ZNF71: variants seen among roughly 807,000 people sequenced by gnomAD.
The protein encoded by ZNF71 is zinc finger protein 71, also known as endothelial zinc finger protein induced by tumor necrosis factor alpha.
A neutral mutation model predicts 6.7 loss-of-function variants in ZNF71; 3 were observed. The ratio of observed to expected loss-of-function variants is 0.45; its 90% CI spans 0.20 to 1.16. ZNF71 has a LOEUF of 1.16. Among genes scored for constraint, ZNF71 ranks in the 50% most tolerant of loss-of-function variants. ZNF71 has a pLI of 0.25. For synonymous variants in ZNF71, 343 were observed against 311.1 expected (o/e 1.10, Z -1.08); for missense variants, 688 against 728.6 (o/e 0.94, Z 0.64).
chr19:56,622,759 C>A lies in ZNF71; in HGVS notation c.*2C>A, dbSNP rs141286207. 1.6e-5 allele frequency: 25 copies of A among 1,591,166 alleles called. No individual in the cohort carries two copies. Among genetic ancestry groups the A allele is most frequent in the Non-Finnish European group, 2.1e-5 (24 of 1,167,396 alleles). On this transcript the variant is annotated 3_prime_UTR_variant, in exon 4 of 4. Coordinates refer to ENST00000599599, the MANE Select transcript of ZNF71 (RefSeq NM_001370215.1). Reference sequence around the variant, plus strand: ...CGCCACCTGCGGATTCACACCTGAGCGCCTCTGTGCAGGGCTCTCACTGGC... The same window carrying A: ...CGCCACCTGCGGATTCACACCTGAGAGCCTCTGTGCAGGGCTCTCACTGGC...
In ZNF71 at chr19:56,622,845, C is replaced by T. The variant is rs751643174; in HGVS notation, c.*88C>T. ...TGTCAGCAGTGCTGTGAGAAGTTCT[C>T]CCCTGGGGTGGGGACTCGGGGTCAG... is the stretch of plus-strand genomic sequence containing the variant. On this transcript the variant is annotated 3_prime_UTR_variant, in exon 4 of 4. Coordinates refer to ENST00000599599, the MANE Select transcript of ZNF71 (RefSeq NM_001370215.1). The T allele has an allele frequency of 7.3e-6, 11 of 1,498,198 alleles. No individual in the cohort carries two copies. Among genetic ancestry groups the T allele is most frequent in the South Asian group, 1.3e-5 (1 of 74,302 alleles). The allele number at this position is 1,498,198 out of a possible 1,614,324, so 92.8% of individuals were successfully genotyped here.
rs941671767 is a variant in ZNF71, at chr19:56,607,173, A to AT, written c.33+5584dup. Among the ~76,000 whole-genome samples, 13 of 152,318 alleles carry AT rather than the reference A, an allele frequency of 8.5e-5. No homozygotes were observed. In the East Asian group the frequency reaches 2.5e-3, roughly 29 times the overall value. On this transcript the variant is annotated intron_variant, in intron 2 of 3. Coordinates refer to ENST00000599599, the MANE Select transcript of ZNF71 (RefSeq NM_001370215.1). The stretch of plus-strand genomic sequence containing the variant: ...TGGTATCTAATACGTATTCTGATAT[A>AT]TTCTAAATATGTTCATTGATGGTTC...
In ZNF71 at chr19:56,622,514, C is replaced by G; in HGVS notation, c.1407C>G (p.Pro469=). The G allele has an allele frequency of 1.2e-6, 2 of 1,608,730 alleles. No individual in the cohort carries two copies. The highest frequency in any genetic ancestry group is 1.7e-6 in the Non-Finnish European group (2 of 1,176,660). Residue 469 remains proline (P), a synonymous_variant, in exon 4 of 4, where the codon CCC becomes CCG. Transcript: ENST00000599599. ...AGATCGTGCACACCGGGGAGAAGCC[C>G]TACGTGTGCGGCGAGTGCGGCAAGG... ...VHQIVHTGEK[P]YVCGECGKAF...
chr19:56,616,699 C>T (rs1384566156), intron 3 of ZNF71, among the ~76,000 whole-genome samples: 3 of 152,202 alleles, frequency 2.0e-5, no homozygotes, highest in Non-Finnish European at 4.4e-5. Flanking sequence ...GAACACTGTG[C>T]AGCTCATTCC....
In ZNF71 at chr19:56,613,706, C is replaced by G. The variant is rs1303535085; in HGVS notation, c.34-106C>G. The G allele has an allele frequency of 1.1e-6, 1 of 926,656 alleles. No individual in the cohort carries two copies. Among genetic ancestry groups the G allele is most frequent in the Non-Finnish European group, 1.3e-6 (1 of 758,566 alleles). 57.4% of individuals were successfully genotyped at this position (926,656 alleles called of 1,614,324 possible). ...CTGCATCTTATTGAAATCACTTCAG[C>G]TACATCCCATCTGCCTCCCCTAAAT... On this transcript the variant is annotated intron_variant, in intron 2 of 3. Coordinates refer to ENST00000599599, the MANE Select transcript of ZNF71 (RefSeq NM_001370215.1). The surrounding 1 kb of genome is among the most constrained non-coding windows in gnomAD (Gnocchi z 4.6).
chr19:56,622,093 C>T lies in ZNF71; in HGVS notation c.986C>T (p.Pro329Leu), dbSNP rs776436135. The T allele has an allele frequency of 9.3e-6, 15 of 1,612,842 alleles. No homozygotes were observed. Among genetic ancestry groups the T allele is most frequent in the East Asian group, 2.2e-5 (1 of 44,826 alleles). The change falls in exon 4 of 4, where the codon CCG becomes CTG. Residue 329 changes from proline to leucine, a missense_variant. Physicochemically the swap from Pro to Leu is moderately conservative, Grantham distance 98. Coordinates refer to ENST00000599599, the MANE Select transcript of ZNF71 (RefSeq NM_001370215.1). ...CAGCGCACGCACACCGGGGAGAAGC[C>T]GTACGTGTGCCCCGAGTGCGGGCGA... ...VHQRTHTGEK[P>L]YVCPECGRAF...
intron 2 of ZNF71, among the ~76,000 whole-genome samples, chr19:56,606,116 T>G (rs2044708492): frequency 6.6e-6 from 1 of 152,260 alleles, no homozygotes; most frequent in Non-Finnish European, 1.5e-5. Flanking sequence ...GCATGTAGTA[T>G]GTGCTTAATG....
rs1351733618 is a variant in ZNF71, at chr19:56,622,624, CCTT to C, written c.1519_1521del (p.Phe507del). On this transcript the variant is annotated inframe_deletion, in exon 4 of 4. Coordinates refer to ENST00000599599, the MANE Select transcript of ZNF71 (RefSeq NM_001370215.1). ...TACAGGTGCGGCCAGTGCGGGAAGTCCTTCATCAAGAACTCCTCCCTCACTGTG... is the reference window on the plus strand; with the variant it reads ...TACAGGTGCGGCCAGTGCGGGAAGTCCATCAAGAACTCCTCCCTCACTGTG... 1 of 1,613,870 alleles carries C rather than the reference CCTT, an allele frequency of 6.2e-7. No individual in the cohort carries two copies. Among genetic ancestry groups the C allele is most frequent in the Non-Finnish European group, 8.5e-7 (1 of 1,179,950 alleles).
chr19:56,596,191 C>T (rs1035360437), intron 1 of ZNF71, among the ~76,000 whole-genome samples: 5 of 152,168 alleles, frequency 3.3e-5, no homozygotes, highest in African/African-American at 9.6e-5. Flanking sequence ...TATGTCTGCT[C>T]TTTCCATGCA....
At chr19:56,597,445 C>T (rs2044634304) in intron 1 of ZNF71, among the ~76,000 whole-genome samples, 1 of 152,208 alleles carries the variant, frequency 6.6e-6, no homozygotes, top group South Asian at 2.1e-4. Flanking sequence ...CACTCCATGC[C>T]CTCCAGACAC....
In ZNF71 at chr19:56,623,000, G is replaced by GC; in HGVS notation, c.*245dup. The GC allele has an allele frequency of 1.8e-6, 1 of 569,376 alleles. No homozygotes were observed. Among genetic ancestry groups the GC allele is most frequent in the South Asian group, 2.6e-5 (1 of 38,394 alleles). The allele number at this position is 569,376 out of a possible 1,614,324, so 35.3% of individuals were successfully genotyped here. ...ACACTTCAAGGTTCACTGTAGCTGA[G>GC]CCATGGCCGCTGGTAACAGACATCA... On this transcript the variant is annotated 3_prime_UTR_variant, in exon 4 of 4. Transcript: ENST00000599599.
chr19:56,613,918 A>T lies in ZNF71; in HGVS notation c.140A>T (p.Tyr47Phe), dbSNP rs2044770724. 1 of 1,078,322 alleles carries T rather than the reference A, an allele frequency of 9.3e-7. No homozygotes were observed. The highest frequency in any genetic ancestry group is 3.3e-5 in the South Asian group (1 of 30,150). 66.8% of individuals were successfully genotyped at this position (1,078,322 alleles called of 1,614,324 possible). Reference sequence around the variant, plus strand: ...TACAGGGATGTCATGCTGGAGAACTACAGGAACCTGGTCTCACTGGGTAAG... The same window carrying T: ...TACAGGGATGTCATGCTGGAGAACTTCAGGAACCTGGTCTCACTGGGTAAG... ...DLYRDVMLEN[Y>F]RNLVSLDWET... The change falls in exon 3 of 4, where the codon TAC becomes TTC. Residue 47 changes from tyrosine (Y) to phenylalanine (F), a missense_variant. Coordinates refer to ENST00000599599, the MANE Select transcript of ZNF71 (RefSeq NM_001370215.1). The surrounding 1 kb of genome is among the most constrained non-coding windows in gnomAD (Gnocchi z 4.6).
rs1202562960 is a variant in ZNF71 at position 56,624,470 on chromosome 19, AAT to A, written c.*1716_*1717del. ...TGCATCTGTTGTGGGAATAAATGAG[AAT>A]ATGTATGCACTGCAGAGAATGGAGT... On this transcript the variant is annotated 3_prime_UTR_variant, in exon 4 of 4. Transcript: ENST00000599599. 1 of 152,230 alleles carries A rather than the reference AAT, an allele frequency of 6.6e-6. No individual in the cohort carries two copies. The highest frequency in any genetic ancestry group is 2.4e-5 in the African/African-American group (1 of 41,460). 9.4% of individuals were successfully genotyped at this position (152,230 alleles called of 1,614,324 possible). A position where few individuals can be genotyped will look rare whatever the true frequency, so the allele number is the denominator to read the frequency against.
intron 3 of ZNF71, 140 bp from the exon 4 acceptor site, chr19:56,621,128 A>G (rs940076573): frequency 1.2e-6 from 1 of 819,268 alleles, no homozygotes; most frequent in Non-Finnish European, 1.8e-6. Context: ...TCTCTGATCC[A>G]AGGTTCTTCT....
In ZNF71 at chr19:56,621,811, T is replaced by C. The variant is rs1273815976; in HGVS notation, c.704T>C (p.Ile235Thr). The change falls in exon 4 of 4, where the codon ATC (isoleucine) becomes ACC (threonine). Residue 235 changes from isoleucine to threonine, a missense_variant. Coordinates refer to ENST00000599599, the MANE Select transcript of ZNF71 (RefSeq NM_001370215.1). ...TTCATCGAGCGCTCGTCCCTCACCA[T>C]CCACCAGCGGGTGCACACGGGCGAG... ...KHFIERSSLT[I>T]HQRVHTGEKP... 3 of 1,613,828 alleles carry C rather than the reference T, an allele frequency of 1.9e-6. No homozygotes were observed. The highest frequency in any genetic ancestry group is 2.2e-5 in the East Asian group (1 of 44,888).
intron 1 of ZNF71, among the ~76,000 whole-genome samples, chr19:56,600,185 A>AGTTTTTT (rs2044659061): frequency 4.0e-5 from 1 of 24,912 alleles, no homozygotes; most frequent in African/African-American, 5.0e-4. Flanking sequence ...AACCCTCTGT[A>AGTTTTTT]TTTTTTTTTT....
At chr19:56,599,004 A>G (rs936432601) in intron 1 of ZNF71, among the ~76,000 whole-genome samples, 1 of 152,132 alleles carries the variant, frequency 6.6e-6, no homozygotes, top group South Asian at 2.1e-4. Flanking sequence ...GGGCAGGAAT[A>G]TATATTCTGA....
chr19:56,612,620 C>T (rs2148013414), intron 2 of ZNF71, among the ~76,000 whole-genome samples: 1 of 152,170 alleles, frequency 6.6e-6, no homozygotes, highest in East Asian at 1.9e-4. Flanking sequence ...TTTGGAAACT[C>T]AGAAGCGGGC....
chr19:56,607,720 A>C (rs553217918), intron 2 of ZNF71, among the ~76,000 whole-genome samples: 1 of 151,634 alleles, frequency 6.6e-6, no homozygotes, highest in African/African-American at 2.4e-5. Context: ...AAAAACACTC[A>C]CCCCCCTGTA....
Sources: allele counts gnomAD v4.1 joint callset (sites outside exome capture counted in the v4.1 genomes callset), GRCh38; gene constraint gnomAD v4.1.1; non-coding constraint Gnocchi (gnomAD v3.1); transcripts MANE v1.5; gene names NCBI Gene and HGNC (gene_info 2026-07-23, HGNC 2026-07-21).